Variants in IRAG1 observed in about 807,000 individuals in gnomAD.
IRAG1 encodes IP3R-associated cGMP kinase substrate.
In IRAG1, 62 loss-of-function variants were observed where a neutral mutation model predicts 106.2. The observed-to-expected ratio is 0.58, with a 90% CI of 0.48 to 0.72. The LOEUF (loss-of-function observed/expected upper bound fraction) is 0.72, where lower values mean the gene tolerates loss of function less well. Ranked by LOEUF, IRAG1 falls within the 30% of genes least tolerant of loss-of-function variation. The pLI is 0.00. For missense variants in IRAG1, 1,064 were observed against 1,140.7 expected, an observed-to-expected ratio of 0.93 and a Z score of 0.97; for synonymous variants, 462 against 443.9, an observed-to-expected ratio of 1.04 and a Z score of -0.51.
chr11:10,687,514 G>T, intron 1 of IRAG1: 1 of 442,080 alleles, frequency 2.3e-6, no homozygotes, highest in Non-Finnish European at 3.4e-6. Flanking sequence ...CTTGCCTGTT[G>T]ATCCAAACAC....
chr11:10,684,050 A>G (rs1371016279), intron 1 of IRAG1, among the ~76,000 whole-genome samples: 1 of 152,184 alleles, frequency 6.6e-6, no homozygotes, highest in Non-Finnish European at 1.5e-5. Flanking sequence ...TGCTAAAAAA[A>G]TTTTCTCTAA....
Position 10,639,482 on chromosome 11 carries a change from C to T in IRAG1, c.226-5411G>A, listed in dbSNP as rs58056814. 8.4e-3 allele frequency among the ~76,000 whole-genome samples: 1,273 copies of T among 152,220 alleles called. 25 individuals carry two copies. Among genetic ancestry groups the T allele is most frequent in the African/African-American group, 0.029 (1,197 of 41,524 alleles). ...GCAGACTCTGAGAAGGCTCGCCTTA[C>T]GGAACTGTTCAACAGAAAGAAAACC... On this transcript the variant is annotated intron_variant, in intron 2 of 20. Transcript: ENST00000423302.
At chr11:10,592,270 T>A (rs1852768116) in intron 17 of IRAG1, among the ~76,000 whole-genome samples, 1 of 152,168 alleles carries the variant, frequency 6.6e-6, no homozygotes, top group African/African-American at 2.4e-5. Context: ...CCTGTGTGGT[T>A]TTTAATCTAT....
intron 10 of IRAG1, among the ~76,000 whole-genome samples, chr11:10,619,711 T>C (rs1040623897): frequency 6.6e-6 from 1 of 152,206 alleles, no homozygotes; most frequent in African/African-American, 2.4e-5. Flanking sequence ...CTTAGTGAAG[T>C]AGGTACTGTT....
chr11:10,582,114 T>G, intron 18 of IRAG1, 128 bp from the exon 19 acceptor site: 8 of 1,180,546 alleles, frequency 6.8e-6, no homozygotes, highest in East Asian at 2.7e-5. Context: ...AACTTTCAGA[T>G]TTTTTCCCAA....
At chr11:10,601,408 C>T (rs1048018850) in intron 14 of IRAG1, among the ~76,000 whole-genome samples, 15 of 152,262 alleles carry the variant, frequency 9.9e-5, no homozygotes, top group African/African-American at 3.1e-4. Context: ...AGGGACACAG[C>T]GTTCAGGCCA....
At chr11:10,609,587 T>A in intron 11 of IRAG1, 141 bp downstream of exon 11, 1 of 966,748 alleles carries the variant, frequency 1.0e-6, no homozygotes, top group South Asian at 2.1e-5. Flanking sequence ...TTGTTTCGAA[T>A]GCATTATCCC....
chr11:10,593,856 C>T (rs1386933593), intron 16 of IRAG1: 2 of 571,156 alleles, frequency 3.5e-6, no homozygotes, highest in Admixed American at 3.1e-5. Context: ...GGAAATGACC[C>T]CACAGTCTCT....
intron 10 of IRAG1, among the ~76,000 whole-genome samples, chr11:10,610,503 C>G (rs1253545056): frequency 6.6e-6 from 1 of 152,170 alleles, no homozygotes; most frequent in Non-Finnish European, 1.5e-5. Flanking sequence ...TTCTCTTTTC[C>G]ATAAATCTTT....
rs759257609 is a variant in IRAG1 at position 10,576,364 on chromosome 11, C to T, written c.2707G>A (p.Gly903Arg). Residue 903 changes from glycine (G) to arginine (R), a missense_variant, in exon 21 of 21, where the codon GGA (glycine) becomes AGA (arginine). Coordinates refer to ENST00000423302, the MANE Select transcript of IRAG1 (RefSeq NM_130385.4). ...TCTGTAGGCTGCTCATGCTGGAGTCCTGAGCTCCACCAGGAGTCCCTCTGG... is the reference window on the plus strand; with the variant it reads ...TCTGTAGGCTGCTCATGCTGGAGTCTTGAGCTCCACCAGGAGTCCCTCTGG... Reference protein sequence around the residue: ...AAQRDSWWSSGLQHEQPTEQ With the variant: ...AAQRDSWWSSRLQHEQPTEQ 6.2e-7 allele frequency: 1 copy of T among 1,613,932 alleles called. No individual in the cohort carries two copies. The highest frequency in any genetic ancestry group is 8.5e-7 in the Non-Finnish European group (1 of 1,179,882).
chr11:10,613,137 A>C (rs2134425375), intron 10 of IRAG1, among the ~76,000 whole-genome samples: 1 of 152,308 alleles, frequency 6.6e-6, no homozygotes, highest in East Asian at 1.9e-4. Flanking sequence ...TGAACAAAAC[A>C]AATGGAACAA....
intron 17 of IRAG1, 50 bp from the exon 18 acceptor site, chr11:10,591,662 G>C: frequency 5.1e-5 from 75 of 1,483,272 alleles, no homozygotes; most frequent in Non-Finnish European, 6.2e-5. Flanking sequence ...ATGGAAGGAA[G>C]AAGCCAGAGC....
chr11:10,680,576 C>T (rs925522213), intron 1 of IRAG1, among the ~76,000 whole-genome samples: 2 of 149,964 alleles, frequency 1.3e-5, no homozygotes, highest in Non-Finnish European at 3.0e-5. Flanking sequence ...GAAGGGAAAT[C>T]TCCATTCAGA....
At chr11:10,587,857 G>A (rs181924141) in intron 18 of IRAG1, among the ~76,000 whole-genome samples, 3 of 152,230 alleles carry the variant, frequency 2.0e-5, no homozygotes, top group Admixed American at 6.5e-5. Context: ...CAGTTGGGCG[G>A]TCTATTAAAA....
chr11:10,690,052 C>T (rs1861941760), intron 1 of IRAG1, among the ~76,000 whole-genome samples: 1 of 152,228 alleles, frequency 6.6e-6, no homozygotes, highest in East Asian at 1.9e-4. Flanking sequence ...GCTGATTAAG[C>T]CCAGCCTTAG....
intron 2 of IRAG1, among the ~76,000 whole-genome samples, chr11:10,638,349 T>C (rs929982248): frequency 2.6e-5 from 4 of 152,204 alleles, no homozygotes; most frequent in African/African-American, 9.7e-5. Flanking sequence ...TGATTTGTGC[T>C]CCCTGGCCCC....
At chr11:10,578,504 T>C (rs976334748) in intron 20 of IRAG1, among the ~76,000 whole-genome samples, 2 of 152,278 alleles carry the variant, frequency 1.3e-5, no homozygotes, top group Non-Finnish European at 2.9e-5. Context: ...TAATGTGTGA[T>C]GTTGAATCTC....
chr11:10,630,394 CAG>C (rs1856601609), intron 4 of IRAG1, among the ~76,000 whole-genome samples: 1 of 149,282 alleles, frequency 6.7e-6, no homozygotes, highest in South Asian at 2.1e-4. Flanking sequence ...TTTTTTGAGA[CAG>C]AGTCTCACTC....
chr11:10,584,635 C>T (rs532682431), intron 18 of IRAG1, among the ~76,000 whole-genome samples: 2 of 144,784 alleles, frequency 1.4e-5, no homozygotes, highest in African/African-American at 5.0e-5. Context: ...AACTGTCAGC[C>T]TTAGAGGTTC....
Sources: allele counts gnomAD v4.1 joint callset (sites outside exome capture counted in the v4.1 genomes callset), GRCh38; gene constraint gnomAD v4.1.1; transcripts MANE v1.5; gene names NCBI Gene and HGNC (gene_info 2026-07-23, HGNC 2026-07-21).